The following KCNMA1 variants were observed in gnomAD, a reference collection of about 807,000 sequenced individuals.
The protein encoded by KCNMA1 is potassium calcium-activated channel subfamily M alpha 1.
A neutral mutation model predicts 140.0 loss-of-function variants in KCNMA1; 29 were observed. The observed-to-expected ratio is 0.21, with a 90% confidence interval of 0.15 to 0.28. KCNMA1 has a LOEUF of 0.28. Among genes scored for constraint, KCNMA1 ranks in the 10% least tolerant of loss-of-function variants. The probability of loss-of-function intolerance (pLI) is 1.00; values close to 1 mark genes in which losing one functional copy is unlikely to be tolerated. For synonymous variants in KCNMA1, 612 were observed against 611.9 expected (o/e 1.00, Z 0.00); for missense variants, 880 against 1,602.2 (o/e 0.55, Z 7.70).
intron 2 of KCNMA1, among the ~76,000 whole-genome samples, chr10:77,345,922 C>T (rs1464722882): frequency 2.6e-5 from 4 of 152,184 alleles, no homozygotes; most frequent in African/African-American, 4.8e-5. Context: ...CTCACTTTTG[C>T]GACTGCCAGA....
At chr10:77,607,614 T>C (rs751637636) in intron 1 of KCNMA1, among the ~76,000 whole-genome samples, 1 of 152,044 alleles carries the variant, frequency 6.6e-6, no homozygotes, top group Non-Finnish European at 1.5e-5. Flanking sequence ...GAAACTGAGA[T>C]GGAGCAATGT....
At chr10:77,005,628 T>C (rs1363700138) in intron 18 of KCNMA1, among the ~76,000 whole-genome samples, 1 of 152,196 alleles carries the variant, frequency 6.6e-6, no homozygotes, top group Admixed American at 6.5e-5. Flanking sequence ...GGGCCATGGA[T>C]TCTATGAGGT....
intron 2 of KCNMA1, among the ~76,000 whole-genome samples, chr10:77,330,700 T>C (rs1384060872): frequency 9.2e-5 from 14 of 152,130 alleles, no homozygotes. Flanking sequence ...TATCAGTGAA[T>C]GGCAAAATCA....
At chr10:77,229,783 C>T (rs2052935615) in intron 3 of KCNMA1, among the ~76,000 whole-genome samples, 1 of 152,038 alleles carries the variant, frequency 6.6e-6, no homozygotes, top group East Asian at 1.9e-4. Flanking sequence ...ACAAAGCAAA[C>T]AAACAAAAAC....
rs1603639287 is a variant in KCNMA1 at position 77,636,708 on chromosome 10, G to A, written c.378+557C>T. 36 of 1,519,254 alleles carry A rather than the reference G, an allele frequency of 2.4e-5. No individual in the cohort carries two copies. The East Asian group carries it at 8.1e-4, about 34-fold the overall frequency. 94.1% of individuals were successfully genotyped at this position (1,519,254 alleles called of 1,614,324 possible). A position where few individuals can be genotyped will look rare whatever the true frequency, so the allele number is the denominator to read the frequency against. ...CCTCGAAGTCCCCCTGTTATCTCGGGCCATGCTCCTCCCCCGGGATTCCCT... is the reference window on the plus strand; with the variant it reads ...CCTCGAAGTCCCCCTGTTATCTCGGACCATGCTCCTCCCCCGGGATTCCCT... On this transcript the variant is annotated intron_variant, in intron 1 of 27. Coordinates refer to ENST00000286628, the MANE Select transcript of KCNMA1 (RefSeq NM_001161352.2).
Position 77,439,920 on chromosome 10 carries a change from T to C in KCNMA1, c.379-35897A>G, listed in dbSNP as rs17502433. 6.5e-3 allele frequency among the ~76,000 whole-genome samples: 987 copies of C among 152,306 alleles called. 11 individuals carry two copies. The highest frequency in any genetic ancestry group is 0.054 in the Middle Eastern group (16 of 294). ...GCAATCTTCAAGTCCATCTGATTCA[T>C]GCAAAAGTTGTTCGAGCATAAACAG... On this transcript the variant is annotated intron_variant, in intron 1 of 27. Transcript: ENST00000286628.
chr10:77,459,701 T>C (rs547228821), intron 1 of KCNMA1, among the ~76,000 whole-genome samples: 1 of 152,258 alleles, frequency 6.6e-6, no homozygotes, highest in African/African-American at 2.4e-5. Context: ...GCACCCAAAA[T>C]CTTCACAGCT....
chr10:77,531,798 G>A (rs1387458296), intron 1 of KCNMA1, among the ~76,000 whole-genome samples: 2 of 152,202 alleles, frequency 1.3e-5, no homozygotes, highest in African/African-American at 4.8e-5. Context: ...AAGACAGCAA[G>A]GAAAAACCAG....
chr10:77,115,324 A>C (rs1389107535), intron 6 of KCNMA1, among the ~76,000 whole-genome samples: 3 of 152,190 alleles, frequency 2.0e-5, no homozygotes, highest in Non-Finnish European at 4.4e-5. Flanking sequence ...CCAGATTATA[A>C]TAATTGCCAA....
rs760242738 is a variant in KCNMA1 at position 76,949,388 on chromosome 10, A to G, written c.2485-22T>C. The G allele has an allele frequency of 3.1e-6, 5 of 1,595,260 alleles. No homozygotes were observed. In the South Asian group the frequency reaches 5.5e-5, roughly 18 times the overall value. ...GAGTCTACAACAGGGAGAAGTGGGT[A>G]AGAGTCAGAGAGAAGACTGCATAGG... On this transcript the variant is annotated intron_variant, in intron 21 of 27. Coordinates refer to ENST00000286628, the MANE Select transcript of KCNMA1 (RefSeq NM_001161352.2).
intron 29 of KCNMA1, among the ~76,000 whole-genome samples, chr10:76,879,346 C>T (rs571912418): frequency 1.3e-5 from 2 of 152,156 alleles, no homozygotes; most frequent in South Asian, 2.1e-4. Context: ...TCCCCACCCC[C>T]TCTCCTGCTC....
chr10:77,375,680 T>G (rs540382913), intron 2 of KCNMA1, among the ~76,000 whole-genome samples: 1 of 152,360 alleles, frequency 6.6e-6, no homozygotes, highest in South Asian at 2.1e-4. Flanking sequence ...AAGGACTTGC[T>G]GCTCAGCTCG....
At chr10:77,543,821 G>T (rs1355414411) in intron 1 of KCNMA1, among the ~76,000 whole-genome samples, 1 of 152,010 alleles carries the variant, frequency 6.6e-6, no homozygotes, top group East Asian at 1.9e-4. Context: ...TAAGAAAGGG[G>T]GTAGGAGGTA....
intron 2 of KCNMA1, among the ~76,000 whole-genome samples, chr10:77,375,867 T>G (rs929034995): frequency 1.3e-5 from 2 of 152,178 alleles, no homozygotes; most frequent in African/African-American, 4.8e-5. Flanking sequence ...GCCATCTTGG[T>G]GCTCTTGGGG....
At chr10:77,543,330 A>G (rs945398900) in intron 1 of KCNMA1, among the ~76,000 whole-genome samples, 1 of 152,200 alleles carries the variant, frequency 6.6e-6, no homozygotes, top group African/African-American at 2.4e-5. Context: ...ACCATGGCAG[A>G]GGTTTCAGGT....
intron 5 of KCNMA1, among the ~76,000 whole-genome samples, chr10:77,124,909 G>A (rs1276054631): frequency 6.6e-6 from 1 of 152,164 alleles, no homozygotes; most frequent in African/African-American, 2.4e-5. Context: ...CACAGGGCTG[G>A]AGAAGCCTCA....
intron 9 of KCNMA1, among the ~76,000 whole-genome samples, chr10:77,093,718 C>T (rs572171099): frequency 6.6e-6 from 1 of 152,302 alleles, no homozygotes; most frequent in Non-Finnish European, 1.5e-5. Flanking sequence ...GAATTTATTG[C>T]ATCCTCAATT....
chr10:77,283,430 CA>C (rs1276928619), intron 2 of KCNMA1, among the ~76,000 whole-genome samples: 6 of 152,164 alleles, frequency 3.9e-5, no homozygotes, highest in African/African-American at 7.2e-5. Flanking sequence ...AGTGGTCCCA[CA>C]GCTAACCAAG....
chr10:77,037,456 G>A (rs2094409037), intron 15 of KCNMA1, among the ~76,000 whole-genome samples: 2 of 152,190 alleles, frequency 1.3e-5, no homozygotes, highest in African/African-American at 4.8e-5. Flanking sequence ...ATCTACGTGA[G>A]TCAAACATAC....
Sources: gnomAD v4.1 joint callset for allele counts (sites outside exome capture counted in the v4.1 genomes callset) on GRCh38, gnomAD v4.1.1 for gene constraint, MANE v1.5 for transcripts, NCBI Gene and HGNC (gene_info 2026-07-23, HGNC 2026-07-21) for gene names.